The following ZMYM5 variants were observed in gnomAD, a reference collection of about 807,000 sequenced individuals.
The protein encoded by ZMYM5 is zinc finger MYM-type protein 5.
In ZMYM5, 41 loss-of-function variants were observed where a neutral mutation model predicts 61.8. That is an observed-to-expected ratio of 0.66 (90% confidence interval 0.52 to 0.86). The LOEUF is 0.86. Among genes scored for constraint, ZMYM5 ranks in the 40% least tolerant of loss-of-function variants. The pLI is 0.00. For missense variants in ZMYM5, 706 were observed against 786.7 expected (o/e 0.90, Z 1.23); for synonymous variants, 257 against 276.4 (o/e 0.93, Z 0.70).
intron 7 of ZMYM5, among the ~76,000 whole-genome samples, chr13:19,833,020 C>T (rs1952573358): frequency 6.6e-6 from 1 of 152,078 alleles, no homozygotes. Flanking sequence ...AGGCACGTAC[C>T]ACCGTGCCTG....
intron 4 of ZMYM5, among the ~76,000 whole-genome samples, chr13:19,846,120 G>C (rs1953064415): frequency 6.6e-6 from 1 of 152,100 alleles, no homozygotes; most frequent in African/African-American, 2.4e-5. Context: ...TCTCTTCCAG[G>C]AACCAGGGAC....
At position 19,851,576 on chromosome 13, in the gene ZMYM5, T is replaced by A. The variant is rs867066104; in HGVS notation, c.492+113A>T. 1.9e-6 allele frequency: 3 copies of A among 1,541,044 alleles called. No homozygotes were observed. In the African/African-American group the frequency reaches 4.1e-5, roughly 21 times the overall value. ...TTTATATGTAATAATTATGTTCACA[T>A]CTTGCCCAGCATTCACAGAGCTTAT... On this transcript the variant is annotated intron_variant, in intron 3 of 7. Transcript: ENST00000337963.
At chr13:19,844,018 G>A (rs533177147) in intron 4 of ZMYM5, among the ~76,000 whole-genome samples, 1 of 149,626 alleles carries the variant, frequency 6.7e-6, no homozygotes, top group South Asian at 2.1e-4. Flanking sequence ...GGCGCCTGTA[G>A]TCCCAGCTAT....
At chr13:19,861,893 T>TA (rs1224159924) in intron 2 of ZMYM5, among the ~76,000 whole-genome samples, 1 of 151,806 alleles carries the variant, frequency 6.6e-6, no homozygotes, top group Non-Finnish European at 1.5e-5. Context: ...ATTAACTTCC[T>TA]AACAGAGAGA....
At chr13:19,833,405 A>G (rs1952585056) in intron 7 of ZMYM5, among the ~76,000 whole-genome samples, 1 of 152,180 alleles carries the variant, frequency 6.6e-6, no homozygotes, top group Admixed American at 6.6e-5. Context: ...TGTTTTTCCC[A>G]TCAGAATAAT....
intron 4 of ZMYM5, among the ~76,000 whole-genome samples, chr13:19,850,119 C>T (rs1377881497): frequency 6.6e-6 from 1 of 152,074 alleles, no homozygotes; most frequent in Non-Finnish European, 1.5e-5. Context: ...ACCAACTCTC[C>T]CCCAAACCCC....
At chr13:19,852,438 A>G (rs1206677316) in intron 2 of ZMYM5, among the ~76,000 whole-genome samples, 2 of 152,184 alleles carry the variant, frequency 1.3e-5, no homozygotes, top group African/African-American at 4.8e-5. Context: ...TTATAGTGAA[A>G]AAATGCCTGC....
chr13:19,838,650 AT>A (rs763132772), intron 5 of ZMYM5, 49 bp downstream of exon 5: 2 of 1,584,400 alleles, frequency 1.3e-6, no homozygotes, highest in Non-Finnish European at 1.7e-6. Flanking sequence ...GTACTTATTT[AT>A]ACCATTAGTA....
rs368432725 is a variant in ZMYM5 at position 19,824,480 on chromosome 13, C to T, written c.2007G>A (p.Thr669=). The T allele has an allele frequency of 7.0e-6, 9 of 1,292,284 alleles. No homozygotes were observed. The Admixed American group carries it at 8.0e-5, about 12-fold the overall frequency. 80.1% of individuals were successfully genotyped at this position (1,292,284 alleles called of 1,614,324 possible). The change falls in exon 8 of 8, where the codon ACG becomes ACA. Residue 669 remains threonine, a synonymous_variant. Coordinates refer to ENST00000337963, the MANE Select transcript of ZMYM5 (RefSeq NM_001142684.2). ...GCCAAAAAACAACTCAGGTATATTA[C>T]GTGTACAACAACAGCACACCATCAT... ...EKNDGVLLLY[T]
In ZMYM5 at chr13:19,838,878, C is replaced by G; in HGVS notation, c.694G>C (p.Ala232Pro). Residue 232 changes from alanine (A) to proline (P), a missense_variant, in exon 5 of 8, where the codon GCC (alanine) becomes CCC (proline). Around this residue, in one of 2 missense-constraint regions of ZMYM5, gnomAD observed 480 missense variants for 461.7 expected, o/e 1.04. Coordinates refer to ENST00000337963, the MANE Select transcript of ZMYM5 (RefSeq NM_001142684.2). ...LLRKQNFQPT[A>P]QQQLTKPAKI... ...GCTGGTTTAGTAAGTTGTTGTTGGG[C>G]TGTAGGCTGGAAATTCTGCTTACGA... is the stretch of plus-strand genomic sequence containing the variant. 1 of 1,614,086 alleles carries G rather than the reference C, an allele frequency of 6.2e-7. No individual in the cohort carries two copies. The highest frequency in any genetic ancestry group is 8.5e-7 in the Non-Finnish European group (1 of 1,180,026).
At chr13:19,836,412 T>C (rs1952676741) in intron 6 of ZMYM5, among the ~76,000 whole-genome samples, 1 of 152,132 alleles carries the variant, frequency 6.6e-6, no homozygotes, top group Non-Finnish European at 1.5e-5. Context: ...TTAGAAGATT[T>C]TGACATGACC....
chr13:19,859,821 C>T (rs1295624496), intron 2 of ZMYM5, among the ~76,000 whole-genome samples: 1 of 151,582 alleles, frequency 6.6e-6, no homozygotes, highest in Non-Finnish European at 1.5e-5. Context: ...ACTAATTACA[C>T]AGGCCGGGTG....
chr13:19,838,548 G>T, intron 5 of ZMYM5, 152 bp downstream of exon 5: 1 of 978,888 alleles, frequency 1.0e-6, no homozygotes, highest in Non-Finnish European at 1.5e-6. Context: ...TCCACAGCTT[G>T]GATATATTCT....
intron 2 of ZMYM5, among the ~76,000 whole-genome samples, chr13:19,855,836 C>A (rs1356206592): frequency 6.6e-6 from 1 of 150,962 alleles, no homozygotes; most frequent in African/African-American, 2.4e-5. Context: ...ACGGTGAAAA[C>A]CCATCTCTAC....
At chr13:19,836,666 G>A (rs1354060351) in intron 6 of ZMYM5, among the ~76,000 whole-genome samples, 1 of 152,148 alleles carries the variant, frequency 6.6e-6, no homozygotes, top group Non-Finnish European at 1.5e-5. Flanking sequence ...AACATTTGTG[G>A]AGGGAGCTAA....
intron 4 of ZMYM5, among the ~76,000 whole-genome samples, chr13:19,845,808 C>T (rs1056730434): frequency 5.9e-5 from 9 of 152,168 alleles, no homozygotes; most frequent in Non-Finnish European, 1.3e-4. Flanking sequence ...GCATCACCTG[C>T]CTGGCACACT....
chr13:19,862,562 G>C (rs916082332), intron 1 of ZMYM5, 96 bp from the exon 2 acceptor site: 2 of 152,230 alleles, frequency 1.3e-5, no homozygotes, highest in Non-Finnish European at 2.9e-5. Context: ...AGGCCAAGGA[G>C]TTCCTGGGCT....
Position 19,824,337 on chromosome 13 carries a change from A to G in ZMYM5, c.*140T>C, listed in dbSNP as rs148616704. Reference sequence around the variant, plus strand: ...AAACATTCTTTGCTATTTATTTGCTATCATACTTATTGCTAAGGAACTGCT... The same window carrying G: ...AAACATTCTTTGCTATTTATTTGCTGTCATACTTATTGCTAAGGAACTGCT... On this transcript the variant is annotated 3_prime_UTR_variant, in exon 8 of 8. Transcript: ENST00000337963. 8.0e-5 allele frequency: 45 copies of G among 562,408 alleles called. No homozygotes were observed. Among genetic ancestry groups the G allele is most frequent in the Non-Finnish European group, 1.0e-4 (44 of 424,436 alleles). The allele number at this position is 562,408 out of a possible 1,614,324, so 34.8% of individuals were successfully genotyped here.
intron 7 of ZMYM5, among the ~76,000 whole-genome samples, chr13:19,832,433 T>G (rs1171378579): frequency 1.3e-5 from 2 of 151,828 alleles, no homozygotes; most frequent in Admixed American, 1.3e-4. Flanking sequence ...TTCAAGTGAT[T>G]CTCTTTCCTC....
Sources: allele counts gnomAD v4.1 joint callset (sites outside exome capture counted in the v4.1 genomes callset), GRCh38; gene constraint gnomAD v4.1.1; regional missense constraint gnomAD v4.1.1; transcripts MANE v1.5; gene names NCBI Gene and HGNC (gene_info 2026-07-23, HGNC 2026-07-21).